PMVK: variants seen among roughly 807,000 people sequenced by gnomAD.
PMVK encodes the protein phosphomevalonate kinase, also known as testis tissue sperm-binding protein Li 95mP.
Under a neutral mutation model 19.0 loss-of-function variants are expected in PMVK, and 10 were observed. The ratio of observed to expected loss-of-function variants is 0.53; its 90% CI spans 0.32 to 0.89. The LOEUF (loss-of-function observed/expected upper bound fraction) is 0.89, where lower values mean the gene tolerates loss of function less well. PMVK is among the 40% of genes least tolerant of loss of function. PMVK has a pLI of 0.03. For missense variants in PMVK, 222 were observed against 251.1 expected (o/e 0.88, Z 0.78); for synonymous variants, 108 against 101.6 (o/e 1.06, Z -0.38).
chr1:154,941,946 G>A, the PMVK span, among the ~76,000 whole-genome samples: 1 of 152,184 alleles, frequency 6.6e-6, no homozygotes, highest in Non-Finnish European at 1.5e-5. Flanking sequence ...GGAAGCAGGT[G>A]AGGCTGAAGA....
At chr1:154,928,563 G>A (rs1442719791) in intron 3 of PMVK, among the ~76,000 whole-genome samples, 1 of 152,124 alleles carries the variant, frequency 6.6e-6, no homozygotes, top group Non-Finnish European at 1.5e-5. Context: ...CCTGAGGTCA[G>A]GAGTTCGAGA....
At chr1:154,928,372 G>A (rs2101967493) in intron 3 of PMVK, among the ~76,000 whole-genome samples, 1 of 152,316 alleles carries the variant, frequency 6.6e-6, no homozygotes, top group South Asian at 2.1e-4. Context: ...GATCACACAA[G>A]GCCCAGAAGT....
chr1:154,929,802 G>A (rs1003955708), intron 2 of PMVK, among the ~76,000 whole-genome samples: 1 of 152,054 alleles, frequency 6.6e-6, no homozygotes, highest in Non-Finnish European at 1.5e-5. Context: ...TCCAAGCAGA[G>A]GGGTCCATCC....
At chr1:154,940,556 C>T (rs369630286), upstream of PMVK, among the ~76,000 whole-genome samples, 2 of 152,192 alleles carry the variant, frequency 1.3e-5, no homozygotes, top group East Asian at 1.9e-4. Flanking sequence ...TACCTCAGGC[C>T]TCACCTTTGC....
intron 1 of PMVK, among the ~76,000 whole-genome samples, chr1:154,932,709 T>C (rs1654375545): frequency 6.6e-6 from 1 of 152,228 alleles, no homozygotes; most frequent in Non-Finnish European, 1.5e-5. Flanking sequence ...GCGCACAATA[T>C]TCTAGCTGGA....
intron 1 of PMVK, among the ~76,000 whole-genome samples, chr1:154,933,426 T>C (rs1654402001): frequency 6.8e-6 from 1 of 146,342 alleles, no homozygotes; most frequent in African/African-American, 2.5e-5. Flanking sequence ...AGAGTGAAAA[T>C]CCATCTCAAA....
At chr1:154,939,775 T>C (rs1181985192), upstream of PMVK, among the ~76,000 whole-genome samples, 2 of 151,890 alleles carry the variant, frequency 1.3e-5, no homozygotes, top group African/African-American at 4.8e-5. Context: ...GTTTCTTTTC[T>C]TTTTTTGAGA....
intron 4 of PMVK, 109 bp downstream of exon 4, chr1:154,926,245 C>T (rs914900603): frequency 2.6e-5 from 27 of 1,057,568 alleles, no homozygotes; most frequent in Admixed American, 4.4e-5. Flanking sequence ...CAGGAGGCCT[C>T]AGATTCTCCT....
At chr1:154,931,985 G>C (rs867626225) in intron 2 of PMVK, among the ~76,000 whole-genome samples, 3 of 151,994 alleles carry the variant, frequency 2.0e-5, no homozygotes, top group Non-Finnish European at 4.4e-5. Flanking sequence ...CACCGTGCTC[G>C]GCCTGTACTA....
At chr1:154,941,883 G>A in the PMVK span, among the ~76,000 whole-genome samples, 2 of 152,168 alleles carry the variant, frequency 1.3e-5, no homozygotes, top group Non-Finnish European at 2.9e-5. Context: ...ACAGGGCATG[G>A]GTGGCAGAGG....
chr1:154,931,445 T>C (rs7539805), intron 2 of PMVK, among the ~76,000 whole-genome samples: 31,502 of 152,086 alleles, frequency 0.21, 7,363 homozygotes, highest in African/African-American at 0.58. Flanking sequence ...TTTTAACGAT[T>C]CTATTTTTTT....
chr1:154,934,118 G>A (rs557925743), intron 1 of PMVK, among the ~76,000 whole-genome samples: 1 of 152,272 alleles, frequency 6.6e-6, no homozygotes, highest in South Asian at 2.1e-4. Flanking sequence ...TCCTGCCTCA[G>A]CCTCCCAAGT....
chr1:154,925,027 G>T lies in PMVK; in HGVS notation c.*102C>A. On this transcript the variant is annotated 3_prime_UTR_variant, in exon 5 of 5. Transcript: ENST00000368467. ...CCCCCTCAGAATCTAGACCCCCCCT[G>T]TCTGTTCCTCACCTCGGCCAGGATC... 4.3e-6 allele frequency: 4 copies of T among 938,178 alleles called. No homozygotes were observed. The highest frequency in any genetic ancestry group is 4.9e-5 in the South Asian group (2 of 40,624). The allele number at this position is 938,178 out of a possible 1,614,324, so 58.1% of individuals were successfully genotyped here.
chr1:154,932,223 C>T lies in PMVK; in HGVS notation c.159+129G>A. 4 of 724,818 alleles carry T rather than the reference C, an allele frequency of 5.5e-6. No individual in the cohort carries two copies. In the South Asian group the frequency reaches 5.9e-5, roughly 11 times the overall value. 44.9% of individuals were successfully genotyped at this position (724,818 alleles called of 1,614,324 possible). A position where few individuals can be genotyped will look rare whatever the true frequency, so the allele number is the denominator to read the frequency against. On this transcript the variant is annotated intron_variant, in intron 2 of 4. Coordinates refer to ENST00000368467, the MANE Select transcript of PMVK (RefSeq NM_006556.4). ...CCCGAAAGGTCCACTCACAGAAAAC[C>T]AAGAGCTGGCCACCACCCTGCCAGC...
chr1:154,939,174 C>T (rs989971232), upstream of PMVK, among the ~76,000 whole-genome samples: 10 of 152,244 alleles, frequency 6.6e-5, no homozygotes, highest in East Asian at 1.9e-4. Context: ...CCTTTTCCCC[C>T]CTCTCCTCCT....
chr1:154,936,843 C>T (rs1380675853), upstream of PMVK: 4 of 636,792 alleles, frequency 6.3e-6, no homozygotes, highest in Non-Finnish European at 1.1e-5. Context: ...CCGCCCGCGA[C>T]CGTGCCCTCA....
Position 154,924,993 on chromosome 1 carries a change from A to C in PMVK, c.*136T>G. 1.1e-6 allele frequency: 1 copy of C among 895,942 alleles called. No individual in the cohort carries two copies. The highest frequency in any genetic ancestry group is 2.5e-5 in the East Asian group (1 of 40,062). 55.5% of individuals were successfully genotyped at this position (895,942 alleles called of 1,614,324 possible). A position where few individuals can be genotyped will look rare whatever the true frequency, so the allele number is the denominator to read the frequency against. On this transcript the variant is annotated 3_prime_UTR_variant, in exon 5 of 5. Transcript: ENST00000368467. ...CCAGAGGTTTCCTGCCTTGCCCAATATCCACCAACCCCCTCAGAATCTAGA... is the reference window on the plus strand; with the variant it reads ...CCAGAGGTTTCCTGCCTTGCCCAATCTCCACCAACCCCCTCAGAATCTAGA...
intron 1 of PMVK, among the ~76,000 whole-genome samples, chr1:154,936,106 A>C (rs935410673): frequency 5.9e-5 from 9 of 152,322 alleles, no homozygotes; most frequent in South Asian, 2.1e-4. Context: ...TTTTTAAGAC[A>C]GGGTCTCGCT....
At chr1:154,929,276 C>T (rs1041681665) in intron 2 of PMVK, 100 bp from the exon 3 acceptor site, 15 of 1,098,116 alleles carry the variant, frequency 1.4e-5, no homozygotes, top group Non-Finnish European at 2.0e-5. Context: ...CTGCCTCCCC[C>T]AGGGCTGATG....
Sources: gnomAD v4.1 joint callset for allele counts (sites outside exome capture counted in the v4.1 genomes callset) on GRCh38, gnomAD v4.1.1 for gene constraint, MANE v1.5 for transcripts, NCBI Gene and HGNC (gene_info 2026-07-23, HGNC 2026-07-21) for gene names.